CHEK2: variants seen among roughly 807,000 people sequenced by gnomAD.
The protein encoded by CHEK2 is serine/threonine-protein kinase Chk2.
CHEK2 carries 71 observed loss-of-function variants against 69.1 expected under a neutral mutation model. The ratio of observed to expected loss-of-function variants is 1.03; its 90% CI spans 0.85 to 1.25. The LOEUF is 1.25. CHEK2 is among the 50% of genes most tolerant of loss of function. CHEK2 has a pLI of 0.00. For missense variants in CHEK2, 664 were observed against 649.6 expected (o/e 1.02, Z -0.24); for synonymous variants, 189 against 226.9 (o/e 0.83, Z 1.50).
rs528954850 is a variant in CHEK2 at position 28,736,543 on chromosome 22, C to T, written c.-6-1816G>A. On this transcript the variant is annotated intron_variant, in intron 1 of 14. Coordinates refer to ENST00000404276, the MANE Select transcript of CHEK2 (RefSeq NM_007194.4). ...TTATCTTTTCAGCATCCTAAATGGC[C>T]TTCCGGCCTTGATGTAATCTTGCAG... is the stretch of plus-strand genomic sequence containing the variant. Among the ~76,000 whole-genome samples, 5 of 152,344 alleles carry T rather than the reference C, an allele frequency of 3.3e-5. No homozygotes were observed. In the East Asian group the frequency reaches 7.7e-4, roughly 23 times the overall value.
At position 28,688,371 on chromosome 22, in the gene CHEK2, A is replaced by T. The variant is rs368704747; in HGVS notation, c.1543-385T>A. Among the ~76,000 whole-genome samples the T allele has an allele frequency of 8.5e-5, 13 of 152,332 alleles. No homozygotes were observed. The East Asian group carries it at 1.9e-3, about 23-fold the overall frequency. On this transcript the variant is annotated intron_variant, in intron 14 of 14. Transcript: ENST00000404276. ...TTGTGCCTTAGTTGTTTTCCCATAT[A>T]TAAAATTGGGAGGAAGGCTGGGTGC...
Position 28,719,464 on chromosome 22 carries a change from G to A in CHEK2, c.614C>T (p.Thr205Ile), listed in dbSNP as rs759734429. Residue 205 changes from threonine to isoleucine, a missense_variant, in exon 5 of 15, where the codon ACT becomes ATT. Physicochemically the swap from Thr to Ile is moderately conservative, Grantham distance 89. Transcript: ENST00000404276. ...RNKVFVFFDL[T>I]VDDQSVYPKA... ...AGGATAAACTGACTGATCATCTACAGTCAGATCAAAAAAGACAAAAACTAA... is the reference window on the plus strand; with the variant it reads ...AGGATAAACTGACTGATCATCTACAATCAGATCAAAAAAGACAAAAACTAA... 3.1e-6 allele frequency: 5 copies of A among 1,593,664 alleles called. No individual in the cohort carries two copies. The highest frequency in any genetic ancestry group is 4.3e-6 in the Non-Finnish European group (5 of 1,167,416).
chr22:28,707,621 T>C lies in CHEK2; in HGVS notation c.846+2385A>G, dbSNP rs572901744. ...GCTCTCTTGGCCACTAGACTCTACT[T>C]ATTGTCCCCAAGCATCAAAATGCAC... On this transcript the variant is annotated intron_variant, in intron 7 of 14. Coordinates refer to ENST00000404276, the MANE Select transcript of CHEK2 (RefSeq NM_007194.4). Among the ~76,000 whole-genome samples the C allele has an allele frequency of 2.6e-5, 4 of 152,302 alleles. No individual in the cohort carries two copies. In the East Asian group the frequency reaches 7.7e-4, roughly 29 times the overall value.
In CHEK2 at chr22:28,723,601, G is replaced by GAAAAAAAAAAAAAAAAAAA; in HGVS notation, c.592+1375_592+1376insTTTTTTTTTTTTTTTTTTT. Among the ~76,000 whole-genome samples, 2 of 48,862 alleles carry GAAAAAAAAAAAAAAAAAAA rather than the reference G, an allele frequency of 4.1e-5. 1 individual carries two copies. The highest frequency in any genetic ancestry group is 7.5e-5 in the Non-Finnish European group (2 of 26,758). The allele number at this position is 48,862 out of a possible 152,430, so 32.1% of individuals were successfully genotyped here. A position where few individuals can be genotyped will look rare whatever the true frequency, so the allele number is the denominator to read the frequency against. ...CGACAGAGCAAGGCTCCGTCACAAG[G>GAAAAAAAAAAAAAAAAAAA]AAAAAAAAAGAAAAAAAAAAAAAAG... On this transcript the variant is annotated intron_variant, in intron 4 of 14. Transcript: ENST00000404276.
intron 8 of CHEK2, 131 bp downstream of exon 8, chr22:28,703,374 T>G (rs1057312806): frequency 6.2e-6 from 4 of 643,620 alleles, no homozygotes; most frequent in African/African-American, 3.7e-5. Context: ...ACACAGACTT[T>G]GTGGGCCCCA....
chr22:28,688,438 G>A (rs1172654848), intron 14 of CHEK2, among the ~76,000 whole-genome samples: 1 of 152,242 alleles, frequency 6.6e-6, no homozygotes, highest in Non-Finnish European at 1.5e-5. Flanking sequence ...GAAAGCCGAG[G>A]TGGGCAGGTC....
rs535746778 is a variant in CHEK2, at chr22:28,729,460, T to G, written c.320-4093A>C. On this transcript the variant is annotated intron_variant, in intron 2 of 14. Transcript: ENST00000404276. ...GGGAGGCTGAGGCAAGAGAATGGCG[T>G]GAACCCCAGGGGGCAGACCCTGCAG... The G allele has an allele frequency of 2.0e-5, 3 of 146,920 alleles. No homozygotes were observed. In the South Asian group the frequency reaches 5.5e-4, roughly 27 times the overall value. The allele number at this position is 146,920 out of a possible 1,614,324, so 9.1% of individuals were successfully genotyped here. A position where few individuals can be genotyped will look rare whatever the true frequency, so the allele number is the denominator to read the frequency against.
chr22:28,736,071 A>G (rs2054393643), intron 1 of CHEK2, among the ~76,000 whole-genome samples: 1 of 152,108 alleles, frequency 6.6e-6, no homozygotes, highest in Admixed American at 6.6e-5. Flanking sequence ...ATTTTGCCCA[A>G]CTGTACCCTG....
chr22:28,705,779 A>T (rs1288415324), intron 7 of CHEK2, among the ~76,000 whole-genome samples: 1 of 151,850 alleles, frequency 6.6e-6, no homozygotes, highest in Non-Finnish European at 1.5e-5. Flanking sequence ...CAAAAAAATT[A>T]GCTGGGCGTG....
intron 1 of CHEK2, among the ~76,000 whole-genome samples, chr22:28,735,839 G>A (rs975757006): frequency 2.0e-5 from 3 of 150,666 alleles, no homozygotes; most frequent in Admixed American, 6.6e-5. Flanking sequence ...CTGAGATCGC[G>A]CCACTGCACT....
At chr22:28,718,694 C>G (rs750616296) in intron 5 of CHEK2, among the ~76,000 whole-genome samples, 4 of 151,650 alleles carry the variant, frequency 2.6e-5, no homozygotes, top group Non-Finnish European at 5.9e-5. Flanking sequence ...CCAGCCTGGG[C>G]AACATGGTAA....
chr22:28,698,930 CA>C (rs2052704057), intron 9 of CHEK2, among the ~76,000 whole-genome samples: 2 of 152,132 alleles, frequency 1.3e-5, no homozygotes, highest in Non-Finnish European at 2.9e-5. Context: ...CTACAAGGAT[CA>C]AGCAGAACTA....
At chr22:28,732,662 T>C (rs1253116390) in intron 2 of CHEK2, among the ~76,000 whole-genome samples, 1 of 152,192 alleles carries the variant, frequency 6.6e-6, no homozygotes, top group Non-Finnish European at 1.5e-5. Context: ...TTTCAAGATA[T>C]CAAAGTTAGA....
chr22:28,697,328 C>A (rs993320132), intron 9 of CHEK2, among the ~76,000 whole-genome samples: 10 of 152,040 alleles, frequency 6.6e-5, no homozygotes, highest in African/African-American at 2.4e-4. Context: ...ACCAAATAAA[C>A]ACAAAAATTC....
chr22:28,732,827 AT>A (rs1169705027), intron 2 of CHEK2, among the ~76,000 whole-genome samples: 2 of 151,534 alleles, frequency 1.3e-5, no homozygotes, highest in Non-Finnish European at 1.5e-5. Context: ...AAAAAACACT[AT>A]TTTTTTTGGC....
intron 1 of CHEK2, among the ~76,000 whole-genome samples, chr22:28,736,273 C>A (rs1030878484): frequency 2.6e-5 from 4 of 152,172 alleles, no homozygotes; most frequent in Non-Finnish European, 5.9e-5. Context: ...AATCAGGTGG[C>A]TTGATATAAA....
intron 8 of CHEK2, among the ~76,000 whole-genome samples, chr22:28,702,529 C>T (rs1192495498): frequency 1.0e-4 from 15 of 144,218 alleles, no homozygotes; most frequent in East Asian, 6.2e-4. Flanking sequence ...TGAGCCACTG[C>T]GCCCGGCCTT....
chr22:28,705,968 A>AAAACCAAACTAAACT (rs2053120897), intron 7 of CHEK2, among the ~76,000 whole-genome samples: 1 of 147,414 alleles, frequency 6.8e-6, no homozygotes. Context: ...AACTAAACTA[A>AAAACCAAACTAAACT]AAACTAAACT....
intron 5 of CHEK2, among the ~76,000 whole-genome samples, chr22:28,713,518 G>C (rs1037656689): frequency 1.3e-5 from 2 of 151,588 alleles, no homozygotes; most frequent in African/African-American, 4.8e-5. Flanking sequence ...CACCACGCCC[G>C]GCTAATCTTT....
Sources: gnomAD v4.1 joint callset for allele counts (sites outside exome capture counted in the v4.1 genomes callset) on GRCh38, gnomAD v4.1.1 for gene constraint, MANE v1.5 for transcripts, NCBI Gene and HGNC (gene_info 2026-07-23, HGNC 2026-07-21) for gene names.